Variants in MMS19 observed in about 807,000 individuals in gnomAD.
MMS19 encodes MMS19 nucleotide excision repair protein homolog.
A neutral mutation model predicts 129.8 loss-of-function variants in MMS19; 77 were observed. The ratio of observed to expected loss-of-function variants is 0.59; its 90% CI spans 0.49 to 0.72. MMS19 has a LOEUF of 0.72. Among genes scored for constraint, MMS19 ranks in the 30% least tolerant of loss-of-function variants. MMS19 has a pLI of 0.00. For missense variants in MMS19, 1,168 were observed against 1,266.3 expected, an observed-to-expected ratio of 0.92 and a Z score of 1.18; for synonymous variants, 491 against 502.8, an observed-to-expected ratio of 0.98 and a Z score of 0.31.
In MMS19 at chr10:97,458,635, C is replaced by G; in HGVS notation, c.*57G>C. 1.3e-6 allele frequency: 2 copies of G among 1,539,092 alleles called. No individual in the cohort carries two copies. The highest frequency in any genetic ancestry group is 2.4e-5 in the South Asian group (2 of 82,700). On this transcript the variant is annotated 3_prime_UTR_variant, in exon 31 of 31. Coordinates refer to ENST00000438925, the MANE Select transcript of MMS19 (RefSeq NM_022362.5). ...TTTCCCTGCTTTGGGGAAGATGGCTCAACAGTTAGTAATCCCAGGTTAGAT... is the reference window on the plus strand; with the variant it reads ...TTTCCCTGCTTTGGGGAAGATGGCTGAACAGTTAGTAATCCCAGGTTAGAT...
At chr10:97,459,855 C>G (rs2031234557) in intron 26 of MMS19, 114 bp from the exon 27 acceptor site, 1 of 1,004,730 alleles carries the variant, frequency 1.0e-6, no homozygotes, top group Middle Eastern at 2.1e-4. Context: ...GTGAAAGAGC[C>G]CTTCACGCTC....
chr10:97,478,256 A>G (rs2036136730), intron 4 of MMS19, 48 bp downstream of exon 4: 2 of 1,463,082 alleles, frequency 1.4e-6, no homozygotes, highest in Non-Finnish European at 1.9e-6. Flanking sequence ...AGAACTAGAC[A>G]AGGGCTCCCT....
At position 97,468,305 on chromosome 10, in the gene MMS19, C is replaced by A. The variant is rs758072352; in HGVS notation, c.1165G>T (p.Val389Phe). 1.2e-6 allele frequency: 2 copies of A among 1,611,298 alleles called. No homozygotes were observed. Among genetic ancestry groups the A allele is most frequent in the Non-Finnish European group, 8.5e-7 (1 of 1,178,304 alleles). ...AGTAAAGGCAGTACATTGCTGGTGA[C>A]AGAGTCACAGGCCCGGGCAGATGCA... ...AGASARACDS[V>F]TSNVLPLLLE... The change falls in exon 13 of 31, where the codon GTC becomes TTC. Residue 389 changes from valine (V) to phenylalanine (F), a missense_variant. Physicochemically the swap from Val to Phe is conservative, Grantham distance 50. Transcript: ENST00000438925.
intron 3 of MMS19, among the ~76,000 whole-genome samples, chr10:97,479,437 T>C (rs371031292): frequency 1.3e-5 from 2 of 152,204 alleles, no homozygotes; most frequent in East Asian, 1.9e-4. Flanking sequence ...CCCTTTTCAG[T>C]AGGAAGTAGC....
chr10:97,466,225 T>C, intron 16 of MMS19, 66 bp from the exon 17 acceptor site: 1 of 1,314,880 alleles, frequency 7.6e-7, no homozygotes, highest in Non-Finnish European at 1.1e-6. Context: ...CTACGTCTGA[T>C]ATTAGGCAGA....
chr10:97,469,180 C>A, intron 11 of MMS19, 76 bp from the exon 12 acceptor site: 1 of 1,495,366 alleles, frequency 6.7e-7, no homozygotes, highest in South Asian at 1.3e-5. Flanking sequence ...TGCCTATTTC[C>A]TTGTTGGAGA....
chr10:97,471,747 A>T (rs1317345457), intron 8 of MMS19, among the ~76,000 whole-genome samples: 1 of 152,032 alleles, frequency 6.6e-6, no homozygotes, highest in African/African-American at 2.4e-5. Flanking sequence ...CTGACCTCGA[A>T]TGATCCACCC....
chr10:97,468,485 A>G, intron 12 of MMS19, 79 bp from the exon 13 acceptor site: 1 of 1,374,778 alleles, frequency 7.3e-7, no homozygotes, highest in South Asian at 1.5e-5. Flanking sequence ...GAGGTTGGAG[A>G]CTGAGACCCA....
Position 97,460,941 on chromosome 10 carries a change from G to T in MMS19, c.2378C>A (p.Pro793His). 6.3e-7 allele frequency: 1 copy of T among 1,582,874 alleles called. No homozygotes were observed. The highest frequency in any genetic ancestry group is 1.8e-5 in the Admixed American group (1 of 55,232). Residue 793 changes from proline (P) to histidine (H), a missense_variant, in exon 24 of 31, where the codon CCC (proline) becomes CAC (histidine). Pro to His is a moderately conservative substitution (Grantham distance 77). Coordinates refer to ENST00000438925, the MANE Select transcript of MMS19 (RefSeq NM_022362.5). ...DKVEAGLGSG[P>H]CRSQAFTLLL... ...AAGAGTGAAGGCCTGACTACGACAG[G>T]GCCCAGAGCCCAGGCCAGCCTCCAC... is the stretch of plus-strand genomic sequence containing the variant.
Position 97,462,613 on chromosome 10 carries a change from A to G in MMS19, c.1982T>C (p.Ile661Thr), listed in dbSNP as rs750758487. 9 of 1,613,806 alleles carry G rather than the reference A, an allele frequency of 5.6e-6. No homozygotes were observed. The highest frequency in any genetic ancestry group is 1.7e-5 in the Admixed American group (1 of 60,002). ...GCTCAGGTGGGTTGTAGCAGTGCCA[A>G]TGACAGACACCATGGCAGCCAACAC... ...DEVLAAMVSV[I>T]GTATTHLSPE... Residue 661 changes from isoleucine (I) to threonine (T), a missense_variant, in exon 20 of 31, where the codon ATT becomes ACT. Around this residue, in one of 3 missense-constraint regions of MMS19, gnomAD observed 831 missense variants for 910.8 expected, o/e 0.91. Transcript: ENST00000438925.
chr10:97,485,423 C>A (rs2037648418), intron 1 of MMS19, among the ~76,000 whole-genome samples: 1 of 152,178 alleles, frequency 6.6e-6, no homozygotes, highest in Non-Finnish European at 1.5e-5. Flanking sequence ...AGCAATTCTT[C>A]TGCCTCAGTC....
intron 25 of MMS19, among the ~76,000 whole-genome samples, 169 bp downstream of exon 25, chr10:97,460,526 T>C (rs2031494003): frequency 6.6e-6 from 1 of 152,160 alleles, no homozygotes; most frequent in African/African-American, 2.4e-5. Flanking sequence ...GAGCTGTGAT[T>C]GCACTACTGT....
rs1209918297 is a variant in MMS19, at chr10:97,474,547, G to GAA, written c.684+2134_684+2135dup. ...TGGGCAACAGAGTGAGACCCTGTCT[G>GAA]AAAAACAAAACAAAACAGAACAGAA... On this transcript the variant is annotated intron_variant, in intron 8 of 30. Transcript: ENST00000438925. Among the ~76,000 whole-genome samples, 6 of 150,850 alleles carry GAA rather than the reference G, an allele frequency of 4.0e-5. No individual in the cohort carries two copies. In the East Asian group the frequency reaches 7.7e-4, roughly 19 times the overall value.
intron 18 of MMS19, 70 bp from the exon 19 acceptor site, chr10:97,464,083 A>AAATT: frequency 7.1e-7 from 1 of 1,409,960 alleles, no homozygotes; most frequent in East Asian, 2.4e-5. Flanking sequence ...ATTACACAGC[A>AAATT]GATGAGAGGA....
Position 97,478,293 on chromosome 10 carries a change from G to T in MMS19, c.348+11C>A. ...GAACAAAGTTATGTAATGAAATGAAGGAAAACTCACAAGTGCCTTCAAACC... is the reference window on the plus strand; with the variant it reads ...GAACAAAGTTATGTAATGAAATGAATGAAAACTCACAAGTGCCTTCAAACC... On this transcript the variant is annotated intron_variant, in intron 4 of 30. Transcript: ENST00000438925. 1 of 1,583,272 alleles carries T rather than the reference G, an allele frequency of 6.3e-7. No homozygotes were observed. The highest frequency in any genetic ancestry group is 2.3e-5 in the East Asian group (1 of 43,522).
intron 18 of MMS19, among the ~76,000 whole-genome samples, chr10:97,465,247 G>A (rs529560209): frequency 7.2e-5 from 11 of 152,140 alleles, no homozygotes; most frequent in Admixed American, 1.3e-4. Flanking sequence ...TGATCCACCC[G>A]CCTCAGCCTC....
chr10:97,484,537 A>C (rs2037469332), intron 1 of MMS19, among the ~76,000 whole-genome samples: 1 of 152,206 alleles, frequency 6.6e-6, no homozygotes, highest in Admixed American at 6.5e-5. Context: ...CCCTGTTTAT[A>C]ATAGCGAAAA....
In MMS19 at chr10:97,464,114, G is replaced by A. The variant is rs1025764199; in HGVS notation, c.1757-101C>T. 4 of 1,097,838 alleles carry A rather than the reference G, an allele frequency of 3.6e-6. No homozygotes were observed. The African/African-American group carries it at 6.3e-5, about 17-fold the overall frequency. 68.0% of individuals were successfully genotyped at this position (1,097,838 alleles called of 1,614,324 possible). A position where few individuals can be genotyped will look rare whatever the true frequency, so the allele number is the denominator to read the frequency against. On this transcript the variant is annotated intron_variant, in intron 18 of 30. Coordinates refer to ENST00000438925, the MANE Select transcript of MMS19 (RefSeq NM_022362.5). ...GAGGAACAAAGAAGAGTGACTGAAG[G>A]GACCAAGAGTGCCTTATTAAAAAGC...
chr10:97,461,060 C>A, intron 23 of MMS19, 53 bp from the exon 24 acceptor site: 1 of 1,383,652 alleles, frequency 7.2e-7, no homozygotes, highest in Non-Finnish European at 9.9e-7. Context: ...TTCCCTTTAG[C>A]AATGAAATGC....
Sources: gnomAD v4.1 joint callset for allele counts (sites outside exome capture counted in the v4.1 genomes callset) on GRCh38, gnomAD v4.1.1 for gene constraint, gnomAD v4.1.1 regional missense constraint, MANE v1.5 for transcripts, NCBI Gene and HGNC (gene_info 2026-07-23, HGNC 2026-07-21) for gene names.